WWOX: variants seen among roughly 807,000 people sequenced by gnomAD.
The protein encoded by WWOX is WW domain containing oxidoreductase.
In WWOX, 69 loss-of-function variants were observed where a neutral mutation model predicts 46.2. That is an observed-to-expected ratio of 1.49 (90% confidence interval 1.23 to 1.82). The LOEUF is 1.82. Among genes scored for constraint, WWOX ranks in the 40% most tolerant of loss-of-function variants. WWOX has a pLI of 0.00. For synonymous variants in WWOX, 359 were observed against 202.6 expected (o/e 1.77, Z -6.56); for missense variants, 919 against 542.6 (o/e 1.69, Z -6.89).
chr16:78,853,278 T>C (rs1166745184), intron 8 of WWOX, among the ~76,000 whole-genome samples: 2 of 152,192 alleles, frequency 1.3e-5, no homozygotes, highest in Non-Finnish European at 2.9e-5. Flanking sequence ...TGGAGTGCAG[T>C]GGCGTGATCT....
In WWOX at chr16:79,055,670, G is replaced by A. The variant is rs180678426; in HGVS notation, c.1057-155938G>A. On this transcript the variant is annotated intron_variant, in intron 8 of 8. Coordinates refer to ENST00000566780, the MANE Select transcript of WWOX (RefSeq NM_016373.4). ...TATGTTTGGGGTTGTTTCCTACAGA[G>A]CAATGAATAACCAGAGCAAACACCC... is the stretch of plus-strand genomic sequence containing the variant. Among the ~76,000 whole-genome samples the A allele has an allele frequency of 1.4e-3, 208 of 152,314 alleles. 1 individual carries two copies. The highest frequency in any genetic ancestry group is 3.8e-4 in the Non-Finnish European group (26 of 68,022).
chr16:79,076,423 G>A (rs1171433986), intron 8 of WWOX, among the ~76,000 whole-genome samples: 1 of 152,166 alleles, frequency 6.6e-6, no homozygotes, highest in Non-Finnish European at 1.5e-5. Flanking sequence ...TGAAGCTATT[G>A]TGAATCTATG....
chr16:78,329,211 C>T (rs1006203411), intron 5 of WWOX, among the ~76,000 whole-genome samples: 3 of 152,106 alleles, frequency 2.0e-5, no homozygotes, highest in Non-Finnish European at 4.4e-5. Context: ...GAAATTGCAA[C>T]CCCATGGTAT....
chr16:78,382,631 C>G (rs1380309213), intron 5 of WWOX, among the ~76,000 whole-genome samples: 1 of 152,182 alleles, frequency 6.6e-6, no homozygotes, highest in Non-Finnish European at 1.5e-5. Flanking sequence ...AGAGAGCAGG[C>G]TCTGACTGAA....
At chr16:78,479,203 T>A (rs2084429225) in intron 8 of WWOX, among the ~76,000 whole-genome samples, 1 of 152,258 alleles carries the variant, frequency 6.6e-6, no homozygotes, top group Non-Finnish European at 1.5e-5. Context: ...CATCACTGTG[T>A]AACTTCATCC....
At chr16:78,869,813 G>A (rs1171713542) in intron 8 of WWOX, among the ~76,000 whole-genome samples, 1 of 152,200 alleles carries the variant, frequency 6.6e-6, no homozygotes, top group Non-Finnish European at 1.5e-5. Flanking sequence ...AGAAGACTCA[G>A]CATTTGCTTT....
chr16:78,358,275 A>T (rs2151911495), intron 5 of WWOX, among the ~76,000 whole-genome samples: 1 of 152,350 alleles, frequency 6.6e-6, no homozygotes, highest in East Asian at 1.9e-4. Context: ...TTATACACTC[A>T]CATACAAAAC....
chr16:78,791,912 A>G (rs543247752), intron 8 of WWOX, among the ~76,000 whole-genome samples: 1 of 152,250 alleles, frequency 6.6e-6, no homozygotes, highest in East Asian at 1.9e-4. Flanking sequence ...CAAACAAACA[A>G]GAAACAAAAA....
chr16:78,235,617 C>T (rs192582884), intron 5 of WWOX, among the ~76,000 whole-genome samples: 5 of 152,274 alleles, frequency 3.3e-5, no homozygotes, highest in African/African-American at 1.2e-4. Flanking sequence ...TTGCAGCCGG[C>T]TTGCAATTGC....
At chr16:78,928,065 T>A (rs1417093596) in intron 8 of WWOX, among the ~76,000 whole-genome samples, 3 of 152,172 alleles carry the variant, frequency 2.0e-5, no homozygotes, top group Non-Finnish European at 4.4e-5. Flanking sequence ...TCTCAGATCC[T>A]GGATACTGTG....
chr16:79,048,774 C>T (rs1163721145), intron 8 of WWOX, among the ~76,000 whole-genome samples: 1 of 152,164 alleles, frequency 6.6e-6, no homozygotes, highest in African/African-American at 2.4e-5. Flanking sequence ...GAGGCAGGAG[C>T]CTCGTTACCA....
intron 8 of WWOX, among the ~76,000 whole-genome samples, chr16:78,682,842 T>C (rs149253932): frequency 6.6e-6 from 1 of 152,244 alleles, no homozygotes; most frequent in Non-Finnish European, 1.5e-5. Context: ...TAATGCCTGC[T>C]GCAAATAGAA....
At chr16:78,812,165 C>G (rs2051206601) in intron 8 of WWOX, among the ~76,000 whole-genome samples, 1 of 151,984 alleles carries the variant, frequency 6.6e-6, no homozygotes, top group African/African-American at 2.4e-5. Flanking sequence ...TGCATAGGAA[C>G]TAGGTGTCCT....
intron 8 of WWOX, among the ~76,000 whole-genome samples, chr16:78,811,407 A>G (rs895436738): frequency 3.3e-5 from 5 of 152,024 alleles, no homozygotes; most frequent in African/African-American, 9.7e-5. Flanking sequence ...TACTGTATCT[A>G]TTAACTTTCT....
At chr16:78,899,428 C>A (rs753106197) in intron 8 of WWOX, 3 of 152,198 alleles carry the variant, frequency 2.0e-5, no homozygotes, top group Admixed American at 6.5e-5. Context: ...CCGTATGTCA[C>A]TTTCCTTTAT....
At chr16:79,069,281 G>T (rs1023724287) in intron 8 of WWOX, among the ~76,000 whole-genome samples, 4 of 152,302 alleles carry the variant, frequency 2.6e-5, no homozygotes, top group African/African-American at 4.8e-5. Flanking sequence ...GTTCTCTTAC[G>T]CACTCAGCGA....
intron 8 of WWOX, among the ~76,000 whole-genome samples, chr16:78,875,897 A>G (rs1463553609): frequency 6.6e-6 from 1 of 152,134 alleles, no homozygotes; most frequent in East Asian, 1.9e-4. Flanking sequence ...ACTTGTTCTA[A>G]TTCTTTCTCC....
intron 8 of WWOX, among the ~76,000 whole-genome samples, chr16:78,669,716 G>A (rs1034696065): frequency 4.6e-5 from 7 of 152,136 alleles, no homozygotes; most frequent in African/African-American, 1.7e-4. Flanking sequence ...CAGTTCATTG[G>A]ATAATTGCCT....
At chr16:78,726,870 C>T (rs2048848562) in intron 8 of WWOX, among the ~76,000 whole-genome samples, 1 of 152,102 alleles carries the variant, frequency 6.6e-6, no homozygotes, top group Non-Finnish European at 1.5e-5. Context: ...TTGAGGGGAG[C>T]TGAGTCGGGA....
Sources: allele counts gnomAD v4.1 joint callset (sites outside exome capture counted in the v4.1 genomes callset), GRCh38; gene constraint gnomAD v4.1.1; transcripts MANE v1.5; gene names NCBI Gene and HGNC (gene_info 2026-07-23, HGNC 2026-07-21).